The following FMN2 variants were observed in gnomAD, a reference collection of about 807,000 sequenced individuals.
FMN2 encodes the protein formin 2, also known as formin-2.
Under a neutral mutation model 142.3 loss-of-function variants are expected in FMN2, and 51 were observed. The observed-to-expected ratio is 0.36, with a 90% confidence interval of 0.29 to 0.45. The LOEUF is 0.45. FMN2 is among the 20% of genes least tolerant of loss of function. FMN2 has a pLI of 1.00. For synonymous variants in FMN2, 882 were observed against 869.8 expected, an observed-to-expected ratio of 1.01 and a Z score of -0.25; for missense variants, 1,936 against 2,122.8, an observed-to-expected ratio of 0.91 and a Z score of 1.73.
Position 240,145,800 on chromosome 1 carries a change from G to C in FMN2, c.1782+22455G>C, listed in dbSNP as rs373839795. Among the ~76,000 whole-genome samples the C allele has an allele frequency of 2.6e-5, 4 of 152,022 alleles. No individual in the cohort carries two copies. In the East Asian group the frequency reaches 5.9e-4, roughly 22 times the overall value. On this transcript the variant is annotated intron_variant, in intron 2 of 17. Transcript: ENST00000319653. ...GCTGGAATCACAGGTATGAGTGAGG[G>C]TGCTGGGACAATGAGGCGATTTTCA... is the stretch of plus-strand genomic sequence containing the variant.
chr1:240,329,350 A>G lies in FMN2; in HGVS notation c.4319A>G (p.Glu1440Gly). Residue 1440 changes from glutamate to glycine, a missense_variant, in exon 10 of 18, where the codon GAA becomes GGA. This residue lies in a region of FMN2 where 322 missense variants were observed against 401.6 expected (regional missense o/e 0.80). Transcript: ENST00000319653. ...CTTTATTTCCTTAGGTTCCTTTATGAACTGTCACTAATCCCCAACTTTTCA... is the reference window on the plus strand; with the variant it reads ...CTTTATTTCCTTAGGTTCCTTTATGGACTGTCACTAATCCCCAACTTTTCA... ...SLDKPEQFLY[E>G]LSLIPNFSER... 6.2e-7 allele frequency: 1 copy of G among 1,612,292 alleles called. No homozygotes were observed. The highest frequency in any genetic ancestry group is 8.5e-7 in the Non-Finnish European group (1 of 1,179,560).
At chr1:240,288,259 T>C (rs901277942) in intron 7 of FMN2, among the ~76,000 whole-genome samples, 1 of 152,146 alleles carries the variant, frequency 6.6e-6, no homozygotes, top group African/African-American at 2.4e-5. Context: ...TCTCTGTATA[T>C]CTACAGAACG....
At chr1:240,170,185 A>G in intron 2 of FMN2, 1 of 1,147,988 alleles carries the variant, frequency 8.7e-7, no homozygotes, top group Non-Finnish European at 1.3e-6. Context: ...GAACCAGGTT[A>G]TCAAGTGCAA....
intron 7 of FMN2, among the ~76,000 whole-genome samples, chr1:240,263,801 A>C (rs1019136437): frequency 1.3e-5 from 2 of 152,206 alleles, no homozygotes; most frequent in South Asian, 2.1e-4. Context: ...AATATACTGC[A>C]GGGATACCCA....
intron 15 of FMN2, among the ~76,000 whole-genome samples, chr1:240,428,946 T>G (rs1279106877): frequency 2.0e-5 from 3 of 152,226 alleles, no homozygotes; most frequent in Admixed American, 6.5e-5. Context: ...CATATAGGAA[T>G]TTCTTGTCTT....
intron 1 of FMN2, among the ~76,000 whole-genome samples, chr1:240,102,588 A>G (rs1023039471): frequency 2.0e-5 from 3 of 152,306 alleles, no homozygotes; most frequent in East Asian, 1.9e-4. Context: ...CTATAAGCCA[A>G]TTATATCTTC....
chr1:240,092,507 C>T lies in FMN2; in HGVS notation c.398C>T (p.Thr133Ile). The change falls in exon 1 of 18, where the codon ACC (threonine) becomes ATC (isoleucine). Residue 133 changes from threonine (T) to isoleucine (I), a missense_variant. Transcript: ENST00000319653. ...GCGGACGAGGCCGGCCTGTCGGATA[C>T]CGAGTGTGCGGACCCTTTTGAGGTG... Reference protein sequence around the residue: ...LSADEAGLSDTECADPFEVTG... With the variant: ...LSADEAGLSDIECADPFEVTG... The T allele has an allele frequency of 6.2e-7, 1 of 1,607,866 alleles. No individual in the cohort carries two copies. The highest frequency in any genetic ancestry group is 8.5e-7 in the Non-Finnish European group (1 of 1,177,304).
intron 15 of FMN2, among the ~76,000 whole-genome samples, chr1:240,437,517 T>TG (rs1416607061): frequency 5.3e-5 from 8 of 152,066 alleles, no homozygotes; most frequent in Non-Finnish European, 2.9e-5. Flanking sequence ...TTAGCCAGGA[T>TG]GGTCTCGATC....
intron 2 of FMN2, among the ~76,000 whole-genome samples, chr1:240,157,959 A>T (rs1664095459): frequency 6.8e-6 from 1 of 146,158 alleles, no homozygotes; most frequent in Non-Finnish European, 1.5e-5. Flanking sequence ...CAACATAGTC[A>T]GACTCTGTCT....
chr1:240,242,450 G>A (rs1667943165), intron 6 of FMN2, among the ~76,000 whole-genome samples: 1 of 152,134 alleles, frequency 6.6e-6, no homozygotes, highest in African/African-American at 2.4e-5. Flanking sequence ...CCCGAGGGAT[G>A]GGACCAGGAG....
At chr1:240,458,020 A>G (rs890854595) in intron 16 of FMN2, 1 of 152,396 alleles carries the variant, frequency 6.6e-6, no homozygotes, top group Non-Finnish European at 1.5e-5. Context: ...TTAGGGACAG[A>G]TGTCTGATTA....
At chr1:240,196,345 A>G (rs1401673764) in intron 4 of FMN2, among the ~76,000 whole-genome samples, 1 of 152,168 alleles carries the variant, frequency 6.6e-6, no homozygotes, top group Non-Finnish European at 1.5e-5. Flanking sequence ...AAGAATTGAA[A>G]TGATGGGTTT....
chr1:240,199,687 A>T (rs1191239655), intron 4 of FMN2, among the ~76,000 whole-genome samples: 4 of 152,224 alleles, frequency 2.6e-5, no homozygotes, highest in African/African-American at 7.2e-5. Context: ...GCCAACGTAG[A>T]TGGCAGACTC....
chr1:240,462,896 T>C (rs10495469), intron 16 of FMN2, among the ~76,000 whole-genome samples: 5,204 of 152,126 alleles, frequency 0.034, 277 homozygotes, highest in African/African-American at 0.12. Context: ...TAATTTTGAG[T>C]GTAACCTGAA....
At chr1:240,416,324 A>T (rs931760460) in intron 15 of FMN2, among the ~76,000 whole-genome samples, 1 of 145,554 alleles carries the variant, frequency 6.9e-6, no homozygotes, top group Non-Finnish European at 1.5e-5. Flanking sequence ...GCAGTGGTGC[A>T]ATCTTAGCTC....
At chr1:240,184,928 A>ACTTTCTCCCTCCTACACCTTCCCCCTTCT (rs1665340957) in intron 3 of FMN2, among the ~76,000 whole-genome samples, 1 of 83,148 alleles carries the variant, frequency 1.2e-5, no homozygotes, top group African/African-American at 4.7e-5. Flanking sequence ...TGTTCCCTTT[A>ACTTTCTCCCTCCTACACCTTCCCCCTTCT]CTTTCTCCCT....
intron 13 of FMN2, among the ~76,000 whole-genome samples, chr1:240,338,116 G>A (rs1023917722): frequency 1.3e-5 from 2 of 152,202 alleles, no homozygotes; most frequent in East Asian, 3.9e-4. Flanking sequence ...GGATGAGAAT[G>A]TTCTCATGCA....
At chr1:240,410,958 C>T (rs1479150271) in intron 15 of FMN2, among the ~76,000 whole-genome samples, 2 of 152,166 alleles carry the variant, frequency 1.3e-5, no homozygotes, top group Admixed American at 6.5e-5. Context: ...CCATGGTTTT[C>T]AGTAACATAC....
intron 4 of FMN2, among the ~76,000 whole-genome samples, chr1:240,204,823 A>G (rs190199995): frequency 1.3e-5 from 2 of 152,160 alleles, no homozygotes; most frequent in African/African-American, 4.8e-5. Context: ...TATCACATCT[A>G]TCATAGCACC....
Sources: allele counts gnomAD v4.1 joint callset (sites outside exome capture counted in the v4.1 genomes callset), GRCh38; gene constraint gnomAD v4.1.1; regional missense constraint gnomAD v4.1.1; transcripts MANE v1.5; gene names NCBI Gene and HGNC (gene_info 2026-07-23, HGNC 2026-07-21).